Variants in CTDSPL observed in about 807,000 individuals in gnomAD.
CTDSPL encodes the protein CTD small phosphatase-like protein.
CTDSPL carries 8 observed loss-of-function variants against 30.5 expected under a neutral mutation model. The observed-to-expected ratio is 0.26, with a 90% CI of 0.15 to 0.47. The LOEUF is 0.47. CTDSPL is among the 20% of genes least tolerant of loss of function. The probability of loss-of-function intolerance (pLI) is 0.99; values close to 1 mark genes in which losing one functional copy is unlikely to be tolerated. For missense variants in CTDSPL, 248 were observed against 366.1 expected, an observed-to-expected ratio of 0.68 and a Z score of 2.63; for synonymous variants, 110 against 137.9, an observed-to-expected ratio of 0.80 and a Z score of 1.42.
chr3:37,958,723 T>C (rs754142729), intron 3 of CTDSPL, among the ~76,000 whole-genome samples: 11 of 152,208 alleles, frequency 7.2e-5, no homozygotes, highest in South Asian at 2.1e-4. Context: ...AACTGCTGAC[T>C]GTGTCCTACA....
chr3:37,953,270 C>T (rs1699130633), intron 2 of CTDSPL, among the ~76,000 whole-genome samples: 1 of 152,202 alleles, frequency 6.6e-6, no homozygotes, highest in African/African-American at 2.4e-5. Flanking sequence ...TATCCTCATT[C>T]ACGTGCCTAC....
intron 1 of CTDSPL, among the ~76,000 whole-genome samples, chr3:37,908,609 T>C (rs769681604): frequency 6.6e-6 from 1 of 152,210 alleles, no homozygotes; most frequent in Non-Finnish European, 1.5e-5. Flanking sequence ...ATGCTGCATG[T>C]ATAGCTTCTT....
At chr3:37,939,044 T>C (rs1366159766) in intron 1 of CTDSPL, among the ~76,000 whole-genome samples, 2 of 150,290 alleles carry the variant, frequency 1.3e-5, no homozygotes, top group Admixed American at 1.3e-4. Flanking sequence ...CTTAATGTTC[T>C]AAGTTTAGAC....
intron 1 of CTDSPL, among the ~76,000 whole-genome samples, chr3:37,880,829 G>C (rs780452051): frequency 6.6e-6 from 1 of 152,144 alleles, no homozygotes; most frequent in Non-Finnish European, 1.5e-5. Flanking sequence ...AGAGTTCTTA[G>C]TTGCAAACCA....
chr3:37,900,767 A>G lies in CTDSPL; in HGVS notation c.79+38489A>G, dbSNP rs1052444435. Reference sequence around the variant, plus strand: ...CCATGAGAATTTTTACATGTCATTAAAAGTCCTTAGAGAACATAATACTTA... The same window carrying G: ...CCATGAGAATTTTTACATGTCATTAGAAGTCCTTAGAGAACATAATACTTA... On this transcript the variant is annotated intron_variant, in intron 1 of 7. Coordinates refer to ENST00000273179, the MANE Select transcript of CTDSPL (RefSeq NM_001008392.2). Among the ~76,000 whole-genome samples the G allele has an allele frequency of 4.6e-5, 7 of 152,264 alleles. No homozygotes were observed. In the East Asian group the frequency reaches 1.2e-3, roughly 25 times the overall value.
chr3:37,908,409 C>A (rs1698542168), intron 1 of CTDSPL, among the ~76,000 whole-genome samples: 1 of 152,070 alleles, frequency 6.6e-6, no homozygotes, highest in Non-Finnish European at 1.5e-5. Context: ...CTCAATTATT[C>A]TTTCCTAATG....
intron 1 of CTDSPL, among the ~76,000 whole-genome samples, chr3:37,910,789 T>G (rs1698574338): frequency 6.6e-6 from 1 of 152,336 alleles, no homozygotes; most frequent in Admixed American, 6.5e-5. Flanking sequence ...GGGAAACACA[T>G]AGAGTCTGAA....
intron 1 of CTDSPL, among the ~76,000 whole-genome samples, chr3:37,917,701 T>C (rs888712186): frequency 1.3e-5 from 2 of 152,256 alleles, no homozygotes; most frequent in Admixed American, 6.5e-5. Context: ...ATCAGGCAGC[T>C]GCTGCCCTCA....
intron 1 of CTDSPL, among the ~76,000 whole-genome samples, chr3:37,927,684 G>GTGTATATATATATATATATA (rs372845166): frequency 8.5e-6 from 1 of 117,760 alleles, no homozygotes; most frequent in Non-Finnish European, 1.7e-5. Flanking sequence ...GTGTGTATGT[G>GTGTATATATATATATATATA]TATATATATA....
chr3:37,967,476 T>TC (rs1253021613), intron 4 of CTDSPL, among the ~76,000 whole-genome samples: 2 of 152,166 alleles, frequency 1.3e-5, no homozygotes, highest in African/African-American at 4.8e-5. Context: ...GCTCAGCTCC[T>TC]CCCCCTGGTG....
intron 1 of CTDSPL, among the ~76,000 whole-genome samples, chr3:37,905,115 A>C (rs1698499079): frequency 6.6e-6 from 1 of 152,222 alleles, no homozygotes; most frequent in Non-Finnish European, 1.5e-5. Flanking sequence ...TGAATATAAA[A>C]AGTAAAAAGC....
At chr3:37,978,400 A>G (rs1225289178) in intron 7 of CTDSPL, among the ~76,000 whole-genome samples, 1 of 152,230 alleles carries the variant, frequency 6.6e-6, no homozygotes, top group South Asian at 2.1e-4. Context: ...GAATATTTGC[A>G]TATACATAAT....
intron 1 of CTDSPL, among the ~76,000 whole-genome samples, chr3:37,877,777 A>G (rs1406653322): frequency 6.6e-6 from 1 of 152,160 alleles, no homozygotes; most frequent in East Asian, 1.9e-4. Flanking sequence ...CAGGAAGCTT[A>G]TAGTCGTGGC....
rs545356107 is a variant in CTDSPL, at chr3:37,975,432, G to A, written c.520-277G>A. Among the ~76,000 whole-genome samples the A allele has an allele frequency of 1.3e-5, 2 of 152,306 alleles. No homozygotes were observed. The highest frequency in any genetic ancestry group is 2.1e-4 in the South Asian group (1 of 4,830). On this transcript the variant is annotated intron_variant, in intron 6 of 7. Transcript: ENST00000273179. This position sits in a 1 kb window ranked among gnomAD's most constrained non-coding sequence, Gnocchi z 4.9. ...CACAGCCATCCCAGGCCAGAGATTC[G>A]AGGCCCAGGCTAAGGGTGGTGGCAA... is the stretch of plus-strand genomic sequence containing the variant.
chr3:37,971,000 C>T (rs1419567271), intron 5 of CTDSPL, among the ~76,000 whole-genome samples: 1 of 152,224 alleles, frequency 6.6e-6, no homozygotes, highest in Non-Finnish European at 1.5e-5. Flanking sequence ...TGGGCCTGGA[C>T]CTCTGAAAGG....
At chr3:37,866,517 T>G (rs1199825615) in intron 1 of CTDSPL, among the ~76,000 whole-genome samples, 1 of 152,056 alleles carries the variant, frequency 6.6e-6, no homozygotes, top group Non-Finnish European at 1.5e-5. Flanking sequence ...ATTTTTTAAC[T>G]AAAAAAAGAA....
At chr3:37,888,145 A>G (rs1251690527) in intron 1 of CTDSPL, among the ~76,000 whole-genome samples, 1 of 152,210 alleles carries the variant, frequency 6.6e-6, no homozygotes, top group East Asian at 1.9e-4. Flanking sequence ...GCCCTGTGAC[A>G]TTATAAATGG....
At chr3:37,980,648 A>G (rs11719578) in intron 7 of CTDSPL, 94 bp from the exon 8 acceptor site, 259,014 of 1,504,828 alleles carry the variant, frequency 0.17, 23,331 homozygotes, top group South Asian at 0.26. Flanking sequence ...TCCTTACTAA[A>G]GAAAGTGCTC....
intron 1 of CTDSPL, among the ~76,000 whole-genome samples, chr3:37,904,981 A>G (rs143518201): frequency 2.6e-5 from 4 of 152,218 alleles, no homozygotes; most frequent in African/African-American, 9.6e-5. Flanking sequence ...CCTACAAGAA[A>G]CAGAAGGTGG....
Sources: gnomAD v4.1 joint callset for allele counts (sites outside exome capture counted in the v4.1 genomes callset) on GRCh38, gnomAD v4.1.1 for gene constraint, Gnocchi (gnomAD v3.1) non-coding constraint, MANE v1.5 for transcripts, NCBI Gene and HGNC (gene_info 2026-07-23, HGNC 2026-07-21) for gene names.